CNBD1: variants seen among roughly 807,000 people sequenced by gnomAD.
CNBD1 encodes cyclic nucleotide-binding domain-containing protein 1.
In CNBD1, 71 loss-of-function variants were observed where a neutral mutation model predicts 54.4. The observed-to-expected ratio is 1.30, with a 90% CI of 1.08 to 1.59. CNBD1 has a LOEUF of 1.59. CNBD1 is among the 40% of genes most tolerant of loss of function. The pLI, the probability that CNBD1 is intolerant of heterozygous loss-of-function variation, is 0.00. For missense variants in CNBD1, 659 were observed against 518.0 expected (o/e 1.27, Z -2.64); for synonymous variants, 182 against 170.7 (o/e 1.07, Z -0.51).
intron 10 of CNBD1, among the ~76,000 whole-genome samples, chr8:87,381,712 T>A (rs551873835): frequency 6.6e-6 from 1 of 152,070 alleles, no homozygotes; most frequent in East Asian, 1.9e-4. Flanking sequence ...ATAGGAGAGA[T>A]GAGCCTTGAG....
chr8:86,972,460 A>G (rs1343156006), intron 4 of CNBD1, among the ~76,000 whole-genome samples: 1 of 152,216 alleles, frequency 6.6e-6, no homozygotes, highest in Non-Finnish European at 1.5e-5. Flanking sequence ...AACTTTGTAG[A>G]TATAACATCA....
In CNBD1 at chr8:87,332,409, G is replaced by A. The variant is rs529294524; in HGVS notation, c.1043-19276G>A. ...TTAGGTCCCATTTGTCAGTTTTAGC[G>A]TTTGTTGTAATTGCTTTTAGCGATT... On this transcript the variant is annotated intron_variant, in intron 8 of 10. Transcript: ENST00000518476. Among the ~76,000 whole-genome samples, 17 of 151,512 alleles carry A rather than the reference G, an allele frequency of 1.1e-4. No homozygotes were observed. In the East Asian group the frequency reaches 1.4e-3, roughly 12 times the overall value.
intron 4 of CNBD1, among the ~76,000 whole-genome samples, chr8:86,996,635 T>C (rs73271785): frequency 0.017 from 2,644 of 152,324 alleles, 68 homozygotes; most frequent in African/African-American, 0.058. Flanking sequence ...GTGTTCTGTC[T>C]TAAATAGTGA....
chr8:87,005,848 G>A (rs942151659), intron 4 of CNBD1, among the ~76,000 whole-genome samples: 1 of 152,094 alleles, frequency 6.6e-6, no homozygotes, highest in Non-Finnish European at 1.5e-5. Flanking sequence ...AAGAGCCTGG[G>A]AGATGGGGTG....
At chr8:87,285,427 GA>G (rs1388889128) in intron 7 of CNBD1, among the ~76,000 whole-genome samples, 12 of 152,102 alleles carry the variant, frequency 7.9e-5, no homozygotes, top group African/African-American at 2.2e-4. Context: ...TTGGATATCA[GA>G]AGAAGTTTGT....
chr8:87,361,421 A>C (rs559303233), intron 10 of CNBD1, among the ~76,000 whole-genome samples: 1 of 151,996 alleles, frequency 6.6e-6, no homozygotes, highest in East Asian at 1.9e-4. Context: ...AACAGAGGAA[A>C]ATGAAATAAC....
chr8:87,240,429 G>A (rs182907614), intron 6 of CNBD1, among the ~76,000 whole-genome samples: 1 of 152,096 alleles, frequency 6.6e-6, no homozygotes, highest in Admixed American at 6.5e-5. Context: ...TCAAACAAGT[G>A]GTGTAGTATT....
intron 4 of CNBD1, among the ~76,000 whole-genome samples, chr8:86,979,939 A>G (rs1808444274): frequency 6.6e-6 from 1 of 152,180 alleles, no homozygotes; most frequent in Non-Finnish European, 1.5e-5. Context: ...AGATTGAATT[A>G]CTTTACTTAT....
At chr8:87,133,704 A>G (rs549410690) in intron 4 of CNBD1, among the ~76,000 whole-genome samples, 1 of 152,198 alleles carries the variant, frequency 6.6e-6, no homozygotes, top group East Asian at 1.9e-4. Context: ...AGTAAAAAAA[A>G]AAAAAGCATA....
chr8:87,090,226 CG>C (rs540296822), intron 4 of CNBD1, among the ~76,000 whole-genome samples: 62 of 152,214 alleles, frequency 4.1e-4, no homozygotes, highest in African/African-American at 1.4e-3. Flanking sequence ...GGACAATACA[CG>C]TTTTATAAAG....
intron 6 of CNBD1, among the ~76,000 whole-genome samples, chr8:87,283,407 A>AT (rs1808633872): frequency 2.0e-5 from 3 of 151,356 alleles, no homozygotes; most frequent in African/African-American, 7.3e-5. Context: ...TTTTATTAAG[A>AT]TTTTGTCATC....
chr8:87,298,391 G>T (rs938752192), intron 8 of CNBD1, among the ~76,000 whole-genome samples: 1 of 151,834 alleles, frequency 6.6e-6, no homozygotes, highest in Non-Finnish European at 1.5e-5. Flanking sequence ...AAAATGAGGG[G>T]CTACTCCTCA....
rs1314973794 is a variant in CNBD1 at position 86,949,926 on chromosome 8, G to C, written c.431+10172G>C. 3.8e-5 allele frequency among the ~76,000 whole-genome samples: 5 copies of C among 130,744 alleles called. No homozygotes were observed. The Admixed American group carries it at 3.9e-4, about 10-fold the overall frequency. The allele number at this position is 130,744 out of a possible 152,430, so 85.8% of individuals were successfully genotyped here. On this transcript the variant is annotated intron_variant, in intron 4 of 10. Coordinates refer to ENST00000518476, the MANE Select transcript of CNBD1 (RefSeq NM_173538.3). The stretch of plus-strand genomic sequence containing the variant: ...TTTTGAGGGTTTTTTATTATGAAGA[G>C]ATGTTATACTTCATCAAATGCTTTT...
chr8:87,072,907 A>T (rs1586236965), intron 4 of CNBD1, among the ~76,000 whole-genome samples: 1 of 152,206 alleles, frequency 6.6e-6, no homozygotes, highest in East Asian at 1.9e-4. Context: ...TATGTTTTCC[A>T]ACTTGGTTCC....
intron 4 of CNBD1, among the ~76,000 whole-genome samples, chr8:86,980,924 G>A (rs1156981689): frequency 1.3e-5 from 2 of 152,114 alleles, no homozygotes; most frequent in African/African-American, 4.8e-5. Flanking sequence ...AAATAATAGT[G>A]ATCTGCAGAA....
intron 4 of CNBD1, among the ~76,000 whole-genome samples, chr8:87,145,507 G>A (rs1336276784): frequency 6.6e-6 from 1 of 151,970 alleles, no homozygotes; most frequent in Non-Finnish European, 1.5e-5. Flanking sequence ...AAATAATCTA[G>A]ATAACATAAT....
intron 4 of CNBD1, among the ~76,000 whole-genome samples, chr8:87,016,779 C>A (rs1809364940): frequency 6.6e-6 from 1 of 152,152 alleles, no homozygotes; most frequent in South Asian, 2.1e-4. Flanking sequence ...AAAAAGCAAT[C>A]AGCCTAGTAG....
chr8:86,969,535 A>T (rs1808171000), intron 4 of CNBD1, among the ~76,000 whole-genome samples: 1 of 152,104 alleles, frequency 6.6e-6, no homozygotes, highest in Non-Finnish European at 1.5e-5. Context: ...GCTTTTCCTT[A>T]TACCACTGAA....
intron 8 of CNBD1, among the ~76,000 whole-genome samples, chr8:87,329,243 C>T (rs927434150): frequency 4.9e-4 from 75 of 152,168 alleles, no homozygotes; most frequent in African/African-American, 1.7e-3. Context: ...GAGTTCATTT[C>T]TGGGCTTACA....
Sources: allele counts gnomAD v4.1 joint callset (sites outside exome capture counted in the v4.1 genomes callset), GRCh38; gene constraint gnomAD v4.1.1; transcripts MANE v1.5; gene names NCBI Gene and HGNC (gene_info 2026-07-23, HGNC 2026-07-21).